NEO1: variants seen among roughly 807,000 people sequenced by gnomAD.
NEO1 encodes neogenin.
NEO1 carries 63 observed loss-of-function variants against 159.7 expected under a neutral mutation model. That is an observed-to-expected ratio of 0.39 (90% CI 0.32 to 0.49). The LOEUF is 0.49. Among genes scored for constraint, NEO1 ranks in the 20% least tolerant of loss-of-function variants. NEO1 has a pLI of 0.85. For synonymous variants in NEO1, 633 were observed against 662.0 expected (o/e 0.96, Z 0.67); for missense variants, 1,615 against 1,831.0 (o/e 0.88, Z 2.15).
intron 26 of NEO1, 67 bp from the exon 27 acceptor site, chr15:73,298,281 C>A: frequency 6.3e-7 from 1 of 1,591,370 alleles, no homozygotes; most frequent in Non-Finnish European, 8.6e-7. Flanking sequence ...TAGAAGTAGC[C>A]AAACTGTGGG....
chr15:73,182,403 C>G (rs1204250974), intron 7 of NEO1, among the ~76,000 whole-genome samples: 1 of 152,192 alleles, frequency 6.6e-6, no homozygotes, highest in African/African-American at 2.4e-5. Context: ...AAATCCCATT[C>G]TCACCACATA....
At chr15:73,117,560 A>C (rs8039533) in intron 2 of NEO1, among the ~76,000 whole-genome samples, 13,334 of 152,226 alleles carry the variant, frequency 0.088, 674 homozygotes, top group South Asian at 0.11. Context: ...GTTATCTTTA[A>C]GTCCTGTATT....
At chr15:73,142,070 G>C (rs2032440841) in intron 5 of NEO1, among the ~76,000 whole-genome samples, 1 of 152,094 alleles carries the variant, frequency 6.6e-6, no homozygotes, top group Non-Finnish European at 1.5e-5. Flanking sequence ...CAGTTGAATG[G>C]GTTGTTTTAA....
rs148738399 is a variant in NEO1 at position 73,162,952 on chromosome 15, G to A, written c.1016-13451G>A. 250 of 172,960 alleles carry A rather than the reference G, an allele frequency of 1.4e-3. 1 individual carries two copies. Among genetic ancestry groups the A allele is most frequent in the African/African-American group, 5.5e-3 (235 of 42,780 alleles). The allele number at this position is 172,960 out of a possible 1,614,324, so 10.7% of individuals were successfully genotyped here. The stretch of plus-strand genomic sequence containing the variant: ...CCATGGGGTGGTGGCACACACTTAG[G>A]TGGGAGAGAAAGCAGATAGAAATGA... On this transcript the variant is annotated intron_variant, in intron 5 of 28. Coordinates refer to ENST00000261908, the MANE Select transcript of NEO1 (RefSeq NM_002499.4).
At chr15:73,183,244 G>C (rs1019643066) in intron 7 of NEO1, among the ~76,000 whole-genome samples, 2 of 152,188 alleles carry the variant, frequency 1.3e-5, no homozygotes, top group Middle Eastern at 3.4e-3. Context: ...CTGGGAGACA[G>C]GACAAAGGCC....
intron 2 of NEO1, among the ~76,000 whole-genome samples, chr15:73,120,145 A>C (rs965583187): frequency 3.4e-5 from 5 of 147,850 alleles, no homozygotes; most frequent in African/African-American, 1.3e-4. Context: ...CATAAAAAAA[A>C]TTAATTAATT....
chr15:73,118,985 A>T (rs145718900), intron 2 of NEO1, among the ~76,000 whole-genome samples: 2,063 of 146,376 alleles, frequency 0.014, 17 homozygotes, highest in South Asian at 0.018. Context: ...TTGCTGGATC[A>T]TAGGATACAC....
intron 5 of NEO1, chr15:73,162,379 T>A (rs182443282): frequency 3.9e-4 from 62 of 159,986 alleles, no homozygotes; most frequent in Middle Eastern, 3.2e-3. Flanking sequence ...CTTTATTTAT[T>A]TTGTTTTGTT....
chr15:73,130,121 GTGTCACCAC>G (rs1239968898), intron 4 of NEO1, among the ~76,000 whole-genome samples: 1 of 152,152 alleles, frequency 6.6e-6, no homozygotes, highest in Non-Finnish European at 1.5e-5. Context: ...TTATAGGCAT[GTGTCACCAC>G]TGCCAGCTAA....
chr15:73,184,807 A>G (rs1358242768), intron 7 of NEO1, among the ~76,000 whole-genome samples: 1 of 152,152 alleles, frequency 6.6e-6, no homozygotes, highest in Non-Finnish European at 1.5e-5. Context: ...GCATGCCTGT[A>G]ATCCCAGCTA....
chr15:73,138,974 G>T (rs2032105905), intron 5 of NEO1, among the ~76,000 whole-genome samples: 1 of 152,036 alleles, frequency 6.6e-6, no homozygotes, highest in Admixed American at 6.6e-5. Context: ...TACTTGGAGA[G>T]AATTTTTTTA....
At chr15:73,192,028 C>G (rs1335898872) in intron 7 of NEO1, among the ~76,000 whole-genome samples, 1 of 151,942 alleles carries the variant, frequency 6.6e-6, no homozygotes, top group Non-Finnish European at 1.5e-5. Context: ...TCTCTGCCTT[C>G]ATAGTGCTTA....
chr15:73,212,994 G>A (rs189140150), intron 7 of NEO1, among the ~76,000 whole-genome samples: 70 of 148,802 alleles, frequency 4.7e-4, no homozygotes, highest in Admixed American at 1.2e-3. Context: ...AAGAATATGC[G>A]CCAAACTATT....
intron 5 of NEO1, among the ~76,000 whole-genome samples, chr15:73,169,946 A>G (rs2034842675): frequency 6.6e-6 from 1 of 152,058 alleles, no homozygotes; most frequent in African/African-American, 2.4e-5. Context: ...AGGAGGAAAT[A>G]GGATGAGAGA....
rs2042067368 is a variant in NEO1, at chr15:73,289,220, G to A, written c.3724G>A (p.Asp1242Asn). 6.2e-7 allele frequency: 1 copy of A among 1,613,972 alleles called. No homozygotes were observed. Among genetic ancestry groups the A allele is most frequent in the Non-Finnish European group, 8.5e-7 (1 of 1,179,998 alleles). Residue 1242 changes from aspartate (D) to asparagine (N), a missense_variant, in exon 25 of 29, where the codon GAC becomes AAC. By Grantham distance (23) the Asp-to-Asn change is conservative (BLOSUM62 1). Transcript: ENST00000261908. ...GAGACCAAAAATGATGATGCCCTTTGACTCCCAGCCACCCCAGCGTAAGTA... is the reference window on the plus strand; with the variant it reads ...GAGACCAAAAATGATGATGCCCTTTAACTCCCAGCCACCCCAGCGTAAGTA... ...GMRPKMMMPFDSQPPQPVISA... is the reference protein window; with the variant it reads ...GMRPKMMMPFNSQPPQPVISA...
At chr15:73,225,781 C>A (rs2038549371) in intron 7 of NEO1, among the ~76,000 whole-genome samples, 1 of 152,180 alleles carries the variant, frequency 6.6e-6, no homozygotes, top group Non-Finnish European at 1.5e-5. Context: ...ACCTGATTCG[C>A]ACCCTTTCCC....
At chr15:73,076,703 C>T (rs1489730962) in intron 1 of NEO1, among the ~76,000 whole-genome samples, 1 of 152,128 alleles carries the variant, frequency 6.6e-6, no homozygotes, top group African/African-American at 2.4e-5. Flanking sequence ...CAAAGCAGTC[C>T]CTGTCTTTTG....
At chr15:73,286,818 A>C (rs1445904429) in intron 23 of NEO1, among the ~76,000 whole-genome samples, 1 of 152,114 alleles carries the variant, frequency 6.6e-6, no homozygotes, top group Non-Finnish European at 1.5e-5. Flanking sequence ...AAGACCTGTC[A>C]TGTCTGCCTC....
chr15:73,113,436 C>T (rs2071117241), intron 1 of NEO1, among the ~76,000 whole-genome samples: 1 of 152,128 alleles, frequency 6.6e-6, no homozygotes, highest in South Asian at 2.1e-4. Context: ...AAAGATAGAT[C>T]ATAAGCCTGC....
Sources: gnomAD v4.1 joint callset for allele counts (sites outside exome capture counted in the v4.1 genomes callset) on GRCh38, gnomAD v4.1.1 for gene constraint, MANE v1.5 for transcripts, NCBI Gene and HGNC (gene_info 2026-07-23, HGNC 2026-07-21) for gene names.